CNTRL: variants seen among roughly 807,000 people sequenced by gnomAD.
The protein encoded by CNTRL is centriolin.
Under a neutral mutation model 303.7 loss-of-function variants are expected in CNTRL, and 233 were observed. The observed-to-expected ratio is 0.77, with a 90% CI of 0.69 to 0.86. The LOEUF is 0.86. Among genes scored for constraint, CNTRL ranks in the 40% least tolerant of loss-of-function variants. CNTRL has a pLI of 0.00. For missense variants in CNTRL, 2,524 were observed against 2,650.6 expected (o/e 0.95, Z 1.05); for synonymous variants, 900 against 922.2 (o/e 0.98, Z 0.44).
At chr9:121,105,046 T>C (rs553454913) in intron 7 of CNTRL, among the ~76,000 whole-genome samples, 9 of 152,268 alleles carry the variant, frequency 5.9e-5, no homozygotes, top group African/African-American at 1.9e-4. Flanking sequence ...CAATAGGACA[T>C]CATTTTTGAT....
At chr9:121,082,679 CAT>C (rs947254467) in intron 2 of CNTRL, among the ~76,000 whole-genome samples, 2 of 152,010 alleles carry the variant, frequency 1.3e-5, no homozygotes, top group African/African-American at 4.8e-5. Flanking sequence ...TGCATCTAAA[CAT>C]AGAAAAGGGG....
intron 34 of CNTRL, among the ~76,000 whole-genome samples, chr9:121,163,985 C>G (rs997970099): frequency 6.6e-6 from 1 of 151,934 alleles, no homozygotes; most frequent in Non-Finnish European, 1.5e-5. Context: ...CTGCCTCAGC[C>G]TCTTGAGTAG....
intron 22 of CNTRL, among the ~76,000 whole-genome samples, chr9:121,145,882 G>C (rs2051821415): frequency 1.3e-5 from 2 of 152,208 alleles, no homozygotes; most frequent in African/African-American, 4.8e-5. Flanking sequence ...GGATGACGGA[G>C]TGAGACTCTG....
At chr9:121,114,378 CA>C (rs1002541849) in intron 10 of CNTRL, among the ~76,000 whole-genome samples, 3 of 152,200 alleles carry the variant, frequency 2.0e-5, no homozygotes, top group Non-Finnish European at 4.4e-5. Context: ...GTGGTGCTCT[CA>C]GTCAGACCAG....
At chr9:121,140,845 G>C (rs1044614389) in intron 17 of CNTRL, 59 bp downstream of exon 17, 3 of 1,514,912 alleles carry the variant, frequency 2.0e-6, no homozygotes, top group Non-Finnish European at 2.7e-6. Flanking sequence ...AGAGTTGTGA[G>C]TGTGAGGTTC....
In CNTRL at chr9:121,148,870, A is replaced by C. The variant is rs781285549; in HGVS notation, c.3649+9A>C. 3 of 1,608,704 alleles carry C rather than the reference A, an allele frequency of 1.9e-6. No individual in the cohort carries two copies. Among genetic ancestry groups the C allele is most frequent in the Non-Finnish European group, 2.5e-6 (3 of 1,176,818 alleles). On this transcript the variant is annotated intron_variant, in intron 24 of 43. Transcript: ENST00000373855. ...ACTGTTTCCAAGTAGAGGTAAGTCA[A>C]ATCACATAGGAAAGTTGCATTTCTC...
rs892340566 is a variant in CNTRL at position 121,162,083 on chromosome 9, G to A, written c.5235G>A (p.Gln1745=). The A allele has an allele frequency of 3.1e-6, 5 of 1,614,080 alleles. No individual in the cohort carries two copies. Among genetic ancestry groups the A allele is most frequent in the African/African-American group, 1.3e-5 (1 of 74,938 alleles). ...EEKLELENLQ[Q]ISQQQKGEIE... The stretch of plus-strand genomic sequence containing the variant: ...AACTGGAGTTAGAGAATTTGCAGCA[G>A]ATATCCCAGCAGCAGAAAGGGGAAA... The change falls in exon 34 of 44, where the codon CAG becomes CAA. Residue 1745 remains glutamine, a synonymous_variant. Coordinates refer to ENST00000373855, the MANE Select transcript of CNTRL (RefSeq NM_007018.6).
In CNTRL at chr9:121,138,216, C is replaced by A. The variant is rs548767628; in HGVS notation, c.2203-329C>A. On this transcript the variant is annotated intron_variant, in intron 15 of 43. Transcript: ENST00000373855. ...TTTGAGGACCACAGTTTGAGAAATA[C>A]TAGTCTAAGGGAAAGGAGAGCAATA... Among the ~76,000 whole-genome samples the A allele has an allele frequency of 5.9e-5, 9 of 152,196 alleles. No individual in the cohort carries two copies. In the East Asian group the frequency reaches 1.5e-3, roughly 26 times the overall value.
chr9:121,086,327 A>C (rs531307550), intron 2 of CNTRL, among the ~76,000 whole-genome samples: 3 of 152,214 alleles, frequency 2.0e-5, no homozygotes, highest in East Asian at 1.9e-4. Context: ...TTTCAAACTG[A>C]TTATGTGAGG....
chr9:121,147,365 AATTATGTAGGCCATG>A (rs2051932577), intron 23 of CNTRL, among the ~76,000 whole-genome samples: 1 of 152,088 alleles, frequency 6.6e-6, no homozygotes, highest in South Asian at 2.1e-4. Flanking sequence ...TGTAGGCCAT[AATTATGTAGGCCATG>A]AGAAATGGGT....
intron 1 of CNTRL, 99 bp downstream of exon 1, chr9:121,075,166 G>A (rs1018545749): frequency 5.7e-6 from 2 of 347,938 alleles, no homozygotes; most frequent in South Asian, 2.1e-5. Context: ...CGTGGTGTGG[G>A]CCGGCTTGGG....
intron 7 of CNTRL, among the ~76,000 whole-genome samples, chr9:121,106,060 C>T (rs573212512): frequency 4.6e-5 from 7 of 152,112 alleles, no homozygotes; most frequent in African/African-American, 1.4e-4. Context: ...GAGTGGAGGC[C>T]GGGTGTAGCT....
chr9:121,086,322 A>G (rs2048339623), intron 2 of CNTRL, among the ~76,000 whole-genome samples: 1 of 152,208 alleles, frequency 6.6e-6, no homozygotes, highest in Non-Finnish European at 1.5e-5. Flanking sequence ...TGTAATTTCA[A>G]ACTGATTATG....
intron 25 of CNTRL, among the ~76,000 whole-genome samples, chr9:121,151,415 G>A (rs1175706264): frequency 1.2e-5 from 1 of 82,416 alleles, no homozygotes; most frequent in Non-Finnish European, 2.5e-5. Flanking sequence ...TTTTGAGACG[G>A]ACTTGTTCTC....
At chr9:121,111,612 A>G (rs1462446820) in intron 8 of CNTRL, among the ~76,000 whole-genome samples, 1 of 152,178 alleles carries the variant, frequency 6.6e-6, no homozygotes, top group East Asian at 1.9e-4. Flanking sequence ...AAAAAAGACA[A>G]AAATCACTTA....
chr9:121,144,163 T>C, intron 20 of CNTRL, 81 bp downstream of exon 20: 2 of 1,222,234 alleles, frequency 1.6e-6, no homozygotes, highest in Non-Finnish European at 2.3e-6. Flanking sequence ...TTGATCTTGC[T>C]ATAGACATTG....
intron 8 of CNTRL, among the ~76,000 whole-genome samples, chr9:121,110,560 T>A (rs2133082803): frequency 6.6e-6 from 1 of 152,276 alleles, no homozygotes; most frequent in Non-Finnish European, 1.5e-5. Context: ...GATTCTTTAT[T>A]CTTCCTTAAA....
At chr9:121,130,284 A>C (rs2050777964) in intron 14 of CNTRL, among the ~76,000 whole-genome samples, 3 of 152,154 alleles carry the variant, frequency 2.0e-5, no homozygotes, top group African/African-American at 7.2e-5. Context: ...TTGGTAGGCT[A>C]TTAATTATTG....
At chr9:121,122,814 C>A (rs1251194056) in intron 12 of CNTRL, among the ~76,000 whole-genome samples, 1 of 152,110 alleles carries the variant, frequency 6.6e-6, no homozygotes, top group East Asian at 1.9e-4. Context: ...TTCCCTGATG[C>A]CATGACTTCA....
Sources: allele counts gnomAD v4.1 joint callset (sites outside exome capture counted in the v4.1 genomes callset), GRCh38; gene constraint gnomAD v4.1.1; transcripts MANE v1.5; gene names NCBI Gene and HGNC (gene_info 2026-07-23, HGNC 2026-07-21).